The following CSNK1G1 variants were observed in gnomAD, a reference collection of about 807,000 sequenced individuals.
CSNK1G1 encodes casein kinase I isoform gamma-1.
Under a neutral mutation model 59.6 loss-of-function variants are expected in CSNK1G1, and 22 were observed. The ratio of observed to expected loss-of-function variants is 0.37; its 90% CI spans 0.26 to 0.53. The LOEUF (loss-of-function observed/expected upper bound fraction) is 0.53. CSNK1G1 is among the 20% of genes least tolerant of loss of function. The pLI, the probability that CSNK1G1 is intolerant of heterozygous loss-of-function variation, is 0.89. For missense variants in CSNK1G1, 384 were observed against 519.5 expected (o/e 0.74, Z 2.54); for synonymous variants, 179 against 177.1 (o/e 1.01, Z -0.08).
In CSNK1G1 at chr15:64,168,172, T is replaced by C. The variant is rs528569723; in HGVS notation, c.*3759A>G. The C allele has an allele frequency of 6.5e-6, 1 of 152,830 alleles. No individual in the cohort carries two copies. The highest frequency in any genetic ancestry group is 2.1e-4 in the South Asian group (1 of 4,834). The allele number at this position is 152,830 out of a possible 1,614,324, so 9.5% of individuals were successfully genotyped here. On this transcript the variant is annotated 3_prime_UTR_variant, in exon 12 of 12. Coordinates refer to ENST00000303052, the MANE Select transcript of CSNK1G1 (RefSeq NM_022048.5). ...AAACCTCAGGATCTCTGCTGTCATC[T>C]GTAGCTCATGCATTCCAATATAAAA...
Position 64,188,509 on chromosome 15 carries a change from A to G in CSNK1G1, c.1108-8055T>C, listed in dbSNP as rs916790379. The G allele has an allele frequency of 6.7e-7, 1 of 1,499,878 alleles. No individual in the cohort carries two copies. Among genetic ancestry groups the G allele is most frequent in the African/African-American group, 1.4e-5 (1 of 72,294 alleles). The allele number at this position is 1,499,878 out of a possible 1,614,324, so 92.9% of individuals were successfully genotyped here. On this transcript the variant is annotated intron_variant, in intron 10 of 11. Coordinates refer to ENST00000303052, the MANE Select transcript of CSNK1G1 (RefSeq NM_022048.5). The surrounding 1 kb of genome is among the most constrained non-coding windows in gnomAD (Gnocchi z 4.2). ...TTCTGCTTAGGCGTTAGAAAGCATGAGAGCAAGATATGGAAGGAAAGGTGA... is the reference window on the plus strand; with the variant it reads ...TTCTGCTTAGGCGTTAGAAAGCATGGGAGCAAGATATGGAAGGAAAGGTGA...
intron 2 of CSNK1G1, among the ~76,000 whole-genome samples, chr15:64,278,137 G>A (rs915647108): frequency 8.0e-5 from 12 of 149,580 alleles, no homozygotes; most frequent in Non-Finnish European, 1.3e-4. Context: ...CCTCTGCCCC[G>A]CCGGTTTCAA....
intron 2 of CSNK1G1, among the ~76,000 whole-genome samples, chr15:64,289,159 G>A (rs1048451330): frequency 2.0e-5 from 3 of 147,446 alleles, no homozygotes; most frequent in East Asian, 4.0e-4. Flanking sequence ...CAGCCTGGGC[G>A]AACAAGTGAG....
Position 64,176,441 on chromosome 15 carries a change from T to C in CSNK1G1, c.1214+3907A>G, listed in dbSNP as rs2081742552. Among the ~76,000 whole-genome samples the C allele has an allele frequency of 6.6e-6, 1 of 152,208 alleles. No homozygotes were observed. The highest frequency in any genetic ancestry group is 2.1e-4 in the South Asian group (1 of 4,824). On this transcript the variant is annotated intron_variant, in intron 11 of 11. Coordinates refer to ENST00000303052, the MANE Select transcript of CSNK1G1 (RefSeq NM_022048.5). This position sits in a 1 kb window ranked among gnomAD's most constrained non-coding sequence, Gnocchi z 5.2. ...TCTTCTTCTGTCAAGGTAGGCTGAG[T>C]AGGCCCAGGCCACTTGGTCCCCACG...
chr15:64,238,883 C>T (rs982862819), intron 4 of CSNK1G1, among the ~76,000 whole-genome samples: 3 of 152,042 alleles, frequency 2.0e-5, no homozygotes, highest in African/African-American at 7.2e-5. Flanking sequence ...TGCTTGTAGG[C>T]TATGTCAGAT....
chr15:64,232,888 G>A (rs937736546), intron 4 of CSNK1G1, among the ~76,000 whole-genome samples: 2 of 152,164 alleles, frequency 1.3e-5, no homozygotes, highest in Non-Finnish European at 2.9e-5. Flanking sequence ...ATTAAAGGGA[G>A]AAAATAGCAC....
intron 11 of CSNK1G1, among the ~76,000 whole-genome samples, chr15:64,174,065 C>G (rs1051936040): frequency 6.6e-6 from 1 of 152,188 alleles, no homozygotes; most frequent in African/African-American, 2.4e-5. Context: ...GTATTACTAA[C>G]TTTTAAGTCA....
chr15:64,194,788 G>A (rs974137418), intron 10 of CSNK1G1, among the ~76,000 whole-genome samples: 4 of 151,934 alleles, frequency 2.6e-5, no homozygotes, highest in Non-Finnish European at 2.9e-5. Flanking sequence ...GTGCAGGTGT[G>A]AGCCACCGAC....
intron 1 of CSNK1G1, among the ~76,000 whole-genome samples, chr15:64,333,257 CAAAAAAAAAAAAA>C (rs60857897): frequency 6.1e-5 from 1 of 16,504 alleles, no homozygotes; most frequent in African/African-American, 2.9e-4. Flanking sequence ...GACTCCATCT[CAAAAAAAAAAAAA>C]AAAAAAAAAA....
At position 64,169,058 on chromosome 15, in the gene CSNK1G1, G is replaced by C. The variant is rs2081634858; in HGVS notation, c.*2873C>G. ...ACAACTGATCCAGTAAAAATTTTAA[G>C]ACAAAAAAAAAGTCGCAAATCCAGC... On this transcript the variant is annotated 3_prime_UTR_variant, in exon 12 of 12. Transcript: ENST00000303052. 6.6e-6 allele frequency: 1 copy of C among 152,154 alleles called. No individual in the cohort carries two copies. Among genetic ancestry groups the C allele is most frequent in the African/African-American group, 2.4e-5 (1 of 41,352 alleles). 9.4% of individuals were successfully genotyped at this position (152,154 alleles called of 1,614,324 possible). A position where few individuals can be genotyped will look rare whatever the true frequency, so the allele number is the denominator to read the frequency against.
At chr15:64,355,132 CTGTG>C (rs1448233289) in intron 1 of CSNK1G1, among the ~76,000 whole-genome samples, 1 of 152,184 alleles carries the variant, frequency 6.6e-6, no homozygotes, top group East Asian at 1.9e-4. Flanking sequence ...TTGCCTAGAC[CTGTG>C]ATACATCTAT....
At chr15:64,291,657 T>C (rs1894749857) in intron 2 of CSNK1G1, among the ~76,000 whole-genome samples, 1 of 152,210 alleles carries the variant, frequency 6.6e-6, no homozygotes, top group South Asian at 2.1e-4. Context: ...TTCAAAAATG[T>C]TTAAAGCAGC....
Position 64,170,219 on chromosome 15 carries a change from G to C in CSNK1G1, c.*1712C>G, listed in dbSNP as rs1319167215. ...GCATGAGAAGAGTAACTCCACACAT[G>C]AAAGACTTGTCAAACAGTGAATGAG... On this transcript the variant is annotated 3_prime_UTR_variant, in exon 12 of 12. Coordinates refer to ENST00000303052, the MANE Select transcript of CSNK1G1 (RefSeq NM_022048.5). The C allele has an allele frequency of 6.6e-6, 1 of 152,192 alleles. No homozygotes were observed. Among genetic ancestry groups the C allele is most frequent in the African/African-American group, 2.4e-5 (1 of 41,444 alleles). The allele number at this position is 152,192 out of a possible 1,614,324, so 9.4% of individuals were successfully genotyped here. A position where few individuals can be genotyped will look rare whatever the true frequency, so the allele number is the denominator to read the frequency against.
chr15:64,332,655 C>G (rs1347317439), intron 1 of CSNK1G1, among the ~76,000 whole-genome samples: 1 of 147,752 alleles, frequency 6.8e-6, no homozygotes, highest in Admixed American at 6.8e-5. Context: ...GCACATGTAC[C>G]CTAAAACTTA....
rs560417313 is a variant in CSNK1G1, at chr15:64,333,646, C to A, written c.-225+22342G>T. On this transcript the variant is annotated intron_variant, in intron 1 of 11. Coordinates refer to ENST00000303052, the MANE Select transcript of CSNK1G1 (RefSeq NM_022048.5). ...GCGCCACTTAAAAGGTACAAATTGG[C>A]AAAATGGATAAAAAATTGGAAACCA... Among the ~76,000 whole-genome samples the A allele has an allele frequency of 2.6e-5, 4 of 152,028 alleles. No individual in the cohort carries two copies. In the East Asian group the frequency reaches 7.7e-4, roughly 29 times the overall value.
chr15:64,289,028 A>AC (rs1331069409), intron 2 of CSNK1G1, among the ~76,000 whole-genome samples: 2 of 151,908 alleles, frequency 1.3e-5, no homozygotes, highest in African/African-American at 4.8e-5. Flanking sequence ...TACAAAAATT[A>AC]GCCGGCCGTG....
intron 1 of CSNK1G1, among the ~76,000 whole-genome samples, chr15:64,352,687 C>T (rs947532621): frequency 6.6e-6 from 1 of 150,938 alleles, no homozygotes; most frequent in Non-Finnish European, 1.5e-5. Flanking sequence ...TCAGGTGATC[C>T]GCCCACCTCG....
rs780148196 is a variant in CSNK1G1, at chr15:64,188,336, C to T, written c.1108-7882G>A. ...GCAAGCCAACATTCCACCAGCCAAG[C>T]TGGAAAGGCCAGGAAAAGGCAATAA... On this transcript the variant is annotated intron_variant, in intron 10 of 11. Transcript: ENST00000303052. This position sits in a 1 kb window ranked among gnomAD's most constrained non-coding sequence, Gnocchi z 4.2. 6.8e-7 allele frequency: 1 copy of T among 1,466,752 alleles called. No individual in the cohort carries two copies. The highest frequency in any genetic ancestry group is 9.2e-7 in the Non-Finnish European group (1 of 1,088,740). The allele number at this position is 1,466,752 out of a possible 1,614,324, so 90.9% of individuals were successfully genotyped here.
intron 2 of CSNK1G1, among the ~76,000 whole-genome samples, chr15:64,295,266 G>T (rs1320334800): frequency 6.6e-6 from 1 of 152,112 alleles, no homozygotes; most frequent in Non-Finnish European, 1.5e-5. Context: ...CGCTAGGCTG[G>T]TGGGAGTTAT....
Sources: gnomAD v4.1 joint callset for allele counts (sites outside exome capture counted in the v4.1 genomes callset) on GRCh38, gnomAD v4.1.1 for gene constraint, Gnocchi (gnomAD v3.1) non-coding constraint, MANE v1.5 for transcripts, NCBI Gene and HGNC (gene_info 2026-07-23, HGNC 2026-07-21) for gene names.